ACOXL: variants seen among roughly 807,000 people sequenced by gnomAD.
ACOXL encodes acyl-CoA oxidase like.
In ACOXL, 70 loss-of-function variants were observed where a neutral mutation model predicts 71.9. The observed-to-expected ratio is 0.97, with a 90% CI of 0.80 to 1.19. ACOXL has a LOEUF of 1.19. Ranked by LOEUF, ACOXL falls within the 50% of genes most tolerant of loss-of-function variation. The probability of loss-of-function intolerance (pLI) is 0.00; values close to 1 mark genes in which losing one functional copy is unlikely to be tolerated. For synonymous variants in ACOXL, 253 were observed against 281.6 expected, an observed-to-expected ratio of 0.90 and a Z score of 1.02; for missense variants, 703 against 736.3, an observed-to-expected ratio of 0.95 and a Z score of 0.52.
intron 16 of ACOXL, among the ~76,000 whole-genome samples, chr2:111,057,917 G>A (rs557744240): frequency 2.6e-5 from 4 of 152,202 alleles, no homozygotes; most frequent in Non-Finnish European, 5.9e-5. Flanking sequence ...GAAAAGCAGC[G>A]AGCCGCCCAG....
At chr2:110,777,714 G>A (rs72942181) in intron 2 of ACOXL, among the ~76,000 whole-genome samples, 3,184 of 152,290 alleles carry the variant, frequency 0.021, 116 homozygotes, top group African/African-American at 0.072. Flanking sequence ...GGCCATCAGC[G>A]CGGGCAGCCC....
At chr2:110,951,069 C>G (rs571247975) in intron 12 of ACOXL, among the ~76,000 whole-genome samples, 97 of 152,268 alleles carry the variant, frequency 6.4e-4, no homozygotes, top group African/African-American at 2.2e-3. Flanking sequence ...GAATCTGCAT[C>G]TCAGTTGAGT....
intron 14 of ACOXL, among the ~76,000 whole-genome samples, chr2:110,996,970 G>T (rs180872584): frequency 6.6e-6 from 1 of 152,144 alleles, no homozygotes; most frequent in Admixed American, 6.5e-5. Context: ...TCCCCCAGGC[G>T]TAGATCTGAG....
chr2:111,073,244 A>T (rs780478156), intron 16 of ACOXL, among the ~76,000 whole-genome samples: 4 of 152,144 alleles, frequency 2.6e-5, no homozygotes, highest in Non-Finnish European at 4.4e-5. Context: ...TTGCAGAGAA[A>T]AGTTTTTTAT....
At chr2:110,955,453 T>A (rs2061465025) in intron 12 of ACOXL, among the ~76,000 whole-genome samples, 1 of 149,820 alleles carries the variant, frequency 6.7e-6, no homozygotes, top group African/African-American at 2.5e-5. Flanking sequence ...TCTCTCTCTC[T>A]CTGTCTCTCG....
chr2:110,784,630 T>G, intron 2 of ACOXL, 102 bp from the exon 3 acceptor site: 2 of 865,910 alleles, frequency 2.3e-6, no homozygotes, highest in Non-Finnish European at 3.4e-6. Flanking sequence ...ACTGTGTTTA[T>G]TTTTTATTAT....
intron 1 of ACOXL, among the ~76,000 whole-genome samples, chr2:110,761,085 T>C (rs1476750661): frequency 2.6e-5 from 4 of 152,214 alleles, no homozygotes; most frequent in Admixed American, 6.5e-5. Context: ...CTCTAATTTT[T>C]TCTCTCTCAT....
rs570399621 is a variant in ACOXL, at chr2:111,004,390, T to C, written c.1281+8386T>C. ...AGTGAGAAGGGCTAGCAATCCAAGG[T>C]CAAAGTTGGAGAGTCGAGAAGACCA... On this transcript the variant is annotated intron_variant, in intron 14 of 17. Coordinates refer to ENST00000439055, the MANE Select transcript of ACOXL (RefSeq NM_001142807.4). Among the ~76,000 whole-genome samples the C allele has an allele frequency of 9.2e-5, 14 of 152,238 alleles. No homozygotes were observed. In the South Asian group the frequency reaches 2.9e-3, roughly 32 times the overall value.
rs1683772371 is a variant in ACOXL at position 110,784,914 on chromosome 2, T to C, written c.159+99T>C. On this transcript the variant is annotated intron_variant, in intron 3 of 17. Transcript: ENST00000439055. The stretch of plus-strand genomic sequence containing the variant: ...CCGTGAGCTCTCTCAGTCTATGTAG[T>C]GGCACAGGTGTTGGTAAAATTGCAT... 4.8e-6 allele frequency: 5 copies of C among 1,051,374 alleles called. No homozygotes were observed. The East Asian group carries it at 1.4e-4, about 30-fold the overall frequency. 65.1% of individuals were successfully genotyped at this position (1,051,374 alleles called of 1,614,324 possible). A position where few individuals can be genotyped will look rare whatever the true frequency, so the allele number is the denominator to read the frequency against.
chr2:110,976,902 A>G (rs2062468393), intron 12 of ACOXL, among the ~76,000 whole-genome samples: 1 of 152,218 alleles, frequency 6.6e-6, no homozygotes, highest in Non-Finnish European at 1.5e-5. Flanking sequence ...AAAGCATGAC[A>G]TGAGAATGTA....
At chr2:110,953,505 A>G (rs1191585541) in intron 12 of ACOXL, among the ~76,000 whole-genome samples, 3 of 152,116 alleles carry the variant, frequency 2.0e-5, no homozygotes, top group African/African-American at 7.2e-5. Context: ...AAGGAGACCA[A>G]TAGATCAAGC....
intron 10 of ACOXL, among the ~76,000 whole-genome samples, chr2:110,895,218 G>A (rs1328688547): frequency 6.6e-6 from 1 of 151,952 alleles, no homozygotes; most frequent in Admixed American, 6.6e-5. Flanking sequence ...CAAACAAATA[G>A]AAGATATAAA....
chr2:110,870,088 TG>T (rs1695090406), intron 10 of ACOXL, among the ~76,000 whole-genome samples: 1 of 152,158 alleles, frequency 6.6e-6, no homozygotes, highest in Admixed American at 6.5e-5. Context: ...ATCTTATGGC[TG>T]GGGGAAAATT....
intron 16 of ACOXL, among the ~76,000 whole-genome samples, chr2:111,051,974 A>G (rs1411072572): frequency 2.0e-5 from 3 of 152,188 alleles, no homozygotes; most frequent in Non-Finnish European, 4.4e-5. Flanking sequence ...TCCCTCAATC[A>G]CATAGCTCCA....
intron 11 of ACOXL, among the ~76,000 whole-genome samples, chr2:110,921,388 A>ATCCCC (rs2060064392): frequency 1.7e-5 from 1 of 57,556 alleles, no homozygotes; most frequent in Non-Finnish European, 3.6e-5. Context: ...CTATATATCC[A>ATCCCC]CCCCCCCCCC....
chr2:111,093,068 G>C lies in ACOXL; in HGVS notation c.1542+102G>C, dbSNP rs2068619723. ...CAATCTTCTATCAGTTTCCACTCAT[G>C]GATTTTTATGCCTCTGGGACTTCAC... On this transcript the variant is annotated intron_variant, in intron 17 of 17. Coordinates refer to ENST00000439055, the MANE Select transcript of ACOXL (RefSeq NM_001142807.4). 3 of 871,900 alleles carry C rather than the reference G, an allele frequency of 3.4e-6. No homozygotes were observed. In the East Asian group the frequency reaches 7.7e-5, roughly 22 times the overall value. The allele number at this position is 871,900 out of a possible 1,614,324, so 54.0% of individuals were successfully genotyped here. A position where few individuals can be genotyped will look rare whatever the true frequency, so the allele number is the denominator to read the frequency against.
intron 1 of ACOXL, among the ~76,000 whole-genome samples, chr2:110,762,499 C>T (rs966233099): frequency 9.2e-5 from 14 of 151,778 alleles, no homozygotes; most frequent in Non-Finnish European, 4.4e-5. Flanking sequence ...TAGGGTATAT[C>T]GCATTCTATA....
At chr2:110,988,241 C>T (rs1301155444) in intron 13 of ACOXL, among the ~76,000 whole-genome samples, 1 of 152,140 alleles carries the variant, frequency 6.6e-6, no homozygotes, top group Non-Finnish European at 1.5e-5. Flanking sequence ...AGTTCGAGAC[C>T]AGCCTGGGCA....
chr2:110,829,583 A>G (rs1239208216), intron 9 of ACOXL, among the ~76,000 whole-genome samples: 2 of 152,184 alleles, frequency 1.3e-5, no homozygotes, highest in African/African-American at 4.8e-5. Context: ...GTGTCTTTGT[A>G]CGGTGGCTGT....
Sources: gnomAD v4.1 joint callset for allele counts (sites outside exome capture counted in the v4.1 genomes callset) on GRCh38, gnomAD v4.1.1 for gene constraint, MANE v1.5 for transcripts, NCBI Gene and HGNC (gene_info 2026-07-23, HGNC 2026-07-21) for gene names.